NEGR1: variants seen among roughly 807,000 people sequenced by gnomAD.
NEGR1 encodes neuronal growth regulator 1, also known as IgLON family member 4.
In NEGR1, 10 loss-of-function variants were observed where a neutral mutation model predicts 40.9. The ratio of observed to expected loss-of-function variants is 0.24; its 90% CI spans 0.15 to 0.42. The LOEUF (loss-of-function observed/expected upper bound fraction) is 0.42, where lower values mean the gene tolerates loss of function less well. Ranked by LOEUF, NEGR1 falls within the 10% of genes least tolerant of loss-of-function variation. The probability of loss-of-function intolerance (pLI) is 1.00; values close to 1 mark genes in which losing one functional copy is unlikely to be tolerated. For synonymous variants in NEGR1, 185 were observed against 166.8 expected, an observed-to-expected ratio of 1.11 and a Z score of -0.84; for missense variants, 352 against 438.9, an observed-to-expected ratio of 0.80 and a Z score of 1.77.
intron 1 of NEGR1, among the ~76,000 whole-genome samples, chr1:72,003,508 A>G (rs1273244939): frequency 6.6e-6 from 1 of 152,168 alleles, no homozygotes; most frequent in Non-Finnish European, 1.5e-5. Context: ...AACAAAATAA[A>G]AAGCTAAGAT....
chr1:72,223,377 G>T (rs539375133), intron 1 of NEGR1, among the ~76,000 whole-genome samples: 2 of 152,240 alleles, frequency 1.3e-5, no homozygotes, highest in East Asian at 3.9e-4. Flanking sequence ...TGTCTGATTT[G>T]CAGAAAAGCT....
At chr1:72,178,689 GT>G (rs1247429928) in intron 1 of NEGR1, among the ~76,000 whole-genome samples, 4 of 149,258 alleles carry the variant, frequency 2.7e-5, no homozygotes, top group East Asian at 3.9e-4. Context: ...GCCAGCGTCT[GT>G]TTTTTTTTGT....
chr1:72,194,649 G>A (rs1652938898), intron 1 of NEGR1, among the ~76,000 whole-genome samples: 1 of 152,006 alleles, frequency 6.6e-6, no homozygotes, highest in Non-Finnish European at 1.5e-5. Context: ...TACCATGAAA[G>A]CATCTAATAA....
chr1:72,180,797 G>A (rs1013270211), intron 1 of NEGR1, among the ~76,000 whole-genome samples: 15 of 152,034 alleles, frequency 9.9e-5, no homozygotes, highest in African/African-American at 3.6e-4. Flanking sequence ...CTAACAAAAT[G>A]TTATAAGAGC....
chr1:71,765,452 T>C (rs1476595928), intron 3 of NEGR1, among the ~76,000 whole-genome samples: 3 of 152,272 alleles, frequency 2.0e-5, no homozygotes, highest in Admixed American at 6.5e-5. Context: ...TTATTTTTCA[T>C]TGGCAAAAAT....
intron 1 of NEGR1, among the ~76,000 whole-genome samples, chr1:72,187,146 G>T (rs1050939439): frequency 7.9e-5 from 12 of 151,318 alleles, no homozygotes; most frequent in Non-Finnish European, 1.5e-4. Flanking sequence ...TTTCTCTTTA[G>T]CTGGAAGAGA....
intron 2 of NEGR1, among the ~76,000 whole-genome samples, chr1:71,781,811 C>A (rs892059502): frequency 6.6e-6 from 1 of 152,060 alleles, no homozygotes; most frequent in Non-Finnish European, 1.5e-5. Context: ...ATTATGCACA[C>A]AATTATGAGA....
At chr1:71,712,896 G>A (rs1468128819) in intron 3 of NEGR1, among the ~76,000 whole-genome samples, 1 of 152,148 alleles carries the variant, frequency 6.6e-6, no homozygotes, top group African/African-American at 2.4e-5. Flanking sequence ...ATGTGAAGAT[G>A]TGCTGCTTCC....
In NEGR1 at chr1:72,135,375, C is replaced by CAAA. The variant is rs71074819; in HGVS notation, c.176+146941_176+146943dup. The stretch of plus-strand genomic sequence containing the variant: ...TGGGTGACAGAGCGAGACTCCGTCT[C>CAAA]AAAAAAAAAAAAAACAAAAAACAAA... On this transcript the variant is annotated intron_variant, in intron 1 of 6. Transcript: ENST00000357731. Among the ~76,000 whole-genome samples, 5 of 71,384 alleles carry CAAA rather than the reference C, an allele frequency of 7.0e-5. No homozygotes were observed. In the East Asian group the frequency reaches 1.5e-3, roughly 21 times the overall value. The allele number at this position is 71,384 out of a possible 152,430, so 46.8% of individuals were successfully genotyped here. A position where few individuals can be genotyped will look rare whatever the true frequency, so the allele number is the denominator to read the frequency against.
At position 71,712,323 on chromosome 1, in the gene NEGR1, C is replaced by T. The variant is rs180929129; in HGVS notation, c.536-14184G>A. 1.2e-4 allele frequency among the ~76,000 whole-genome samples: 19 copies of T among 152,318 alleles called. No homozygotes were observed. In the East Asian group the frequency reaches 3.3e-3, roughly 26 times the overall value. On this transcript the variant is annotated intron_variant, in intron 3 of 6. Transcript: ENST00000357731. Reference sequence around the variant, plus strand: ...CACATCAAAATGCTTCTCTCCCAATCCTTGTAGTCCCACAGGGAGGGACAG... The same window carrying T: ...CACATCAAAATGCTTCTCTCCCAATTCTTGTAGTCCCACAGGGAGGGACAG...
chr1:71,776,356 G>A (rs6424448), intron 2 of NEGR1, 59 bp from the exon 3 acceptor site: 935,664 of 1,099,018 alleles, frequency 0.85, 403,224 homozygotes, highest in Non-Finnish European at 0.88. Flanking sequence ...GTTGAAGTAC[G>A]TATGATTAAT....
intron 3 of NEGR1, among the ~76,000 whole-genome samples, chr1:71,739,502 A>T (rs932295667): frequency 6.6e-6 from 1 of 151,656 alleles, no homozygotes; most frequent in African/African-American, 2.4e-5. Context: ...ACAAAAAACA[A>T]AACAAAACAA....
At chr1:72,251,336 C>A (rs563144998) in intron 1 of NEGR1, among the ~76,000 whole-genome samples, 1 of 151,988 alleles carries the variant, frequency 6.6e-6, no homozygotes, top group Non-Finnish European at 1.5e-5. Flanking sequence ...ATTTTTCCAA[C>A]GAATCATATC....
intron 3 of NEGR1, among the ~76,000 whole-genome samples, chr1:71,751,728 A>G (rs1318496993): frequency 1.3e-5 from 2 of 152,056 alleles, no homozygotes; most frequent in African/African-American, 2.4e-5. Flanking sequence ...AAAAAAAAAA[A>G]GCCTGTCTCA....
intron 1 of NEGR1, among the ~76,000 whole-genome samples, chr1:71,977,992 C>A (rs1646321617): frequency 6.6e-6 from 1 of 152,078 alleles, no homozygotes; most frequent in African/African-American, 2.4e-5. Context: ...TTATCAATAG[C>A]CCAAGTGAGC....
At chr1:71,990,314 T>C (rs1195590079) in intron 1 of NEGR1, among the ~76,000 whole-genome samples, 1 of 152,136 alleles carries the variant, frequency 6.6e-6, no homozygotes, top group Non-Finnish European at 1.5e-5. Context: ...TCAATAACAT[T>C]ATTATTTAAT....
intron 1 of NEGR1, among the ~76,000 whole-genome samples, chr1:72,218,017 C>A (rs894163416): frequency 4.6e-5 from 7 of 151,690 alleles, no homozygotes; most frequent in African/African-American, 1.5e-4. Flanking sequence ...TGAAGAAATT[C>A]TTTATACAGT....
intron 1 of NEGR1, among the ~76,000 whole-genome samples, chr1:72,040,753 G>C (rs950715796): frequency 3.3e-5 from 5 of 151,816 alleles, no homozygotes; most frequent in African/African-American, 4.8e-5. Context: ...AGGATGTGCA[G>C]ATTATGATAA....
intron 6 of NEGR1, among the ~76,000 whole-genome samples, chr1:71,442,993 G>A (rs1646557832): frequency 6.6e-6 from 1 of 152,202 alleles, no homozygotes; most frequent in South Asian, 2.1e-4. Flanking sequence ...TCAGCCAGTG[G>A]TGGAGGATAA....
Sources: gnomAD v4.1 joint callset for allele counts (sites outside exome capture counted in the v4.1 genomes callset) on GRCh38, gnomAD v4.1.1 for gene constraint, MANE v1.5 for transcripts, NCBI Gene and HGNC (gene_info 2026-07-23, HGNC 2026-07-21) for gene names.